Variants in IQANK1 observed in about 807,000 individuals in gnomAD.
IQANK1 encodes the protein IQ motif and ankyrin repeat containing 1.
In IQANK1, 30 loss-of-function variants were observed where a neutral mutation model predicts 22.6. The observed-to-expected ratio is 1.33, with a 90% CI of 0.99 to 1.80. The LOEUF (loss-of-function observed/expected upper bound fraction) is 1.80. Ranked by LOEUF, IQANK1 falls within the 40% of genes most tolerant of loss-of-function variation. The probability of loss-of-function intolerance (pLI) is 0.00; values close to 1 mark genes in which losing one functional copy is unlikely to be tolerated. For synonymous variants in IQANK1, 122 were observed against 99.6 expected (o/e 1.23, Z -1.34); for missense variants, 275 against 235.2 (o/e 1.17, Z -1.11).
At chr8:143,777,734 A>C (rs1430468223) in intron 7 of IQANK1, among the ~76,000 whole-genome samples, 1 of 152,136 alleles carries the variant, frequency 6.6e-6, no homozygotes, top group Non-Finnish European at 1.5e-5. Context: ...ATAAGCCAAC[A>C]AAAGAGATAA....
At chr8:143,755,686 A>T (rs1819277754) in intron 3 of IQANK1, among the ~76,000 whole-genome samples, 1 of 152,192 alleles carries the variant, frequency 6.6e-6, no homozygotes, top group Admixed American at 6.5e-5. Flanking sequence ...TTATAAACTC[A>T]TGGTGGCACG....
intron 3 of IQANK1, among the ~76,000 whole-genome samples, chr8:143,743,284 G>A (rs1285171571): frequency 4.6e-5 from 7 of 151,990 alleles, no homozygotes; most frequent in Non-Finnish European, 1.0e-4. Flanking sequence ...TGGAGTTCAG[G>A]GGCTATTCCC....
rs1264683319 is a variant in IQANK1 at position 143,788,949 on chromosome 8, G to C, written c.824G>C (p.Arg275Pro). ...ASLDTVVSVLRSWDLSLTEAM... is the reference protein window; with the variant it reads ...ASLDTVVSVLPSWDLSLTEAM... ...CTGGACACAGTGGTGAGCGTGCTGC[G>C]CTCGTGGGACCTGAGCCTCACGGAG... The change falls in exon 8 of 14, where the codon CGC (arginine) becomes CCC (proline). Residue 275 changes from arginine to proline, a missense_variant. By Grantham distance (103) the Arg-to-Pro change is moderately radical (BLOSUM62 -2). Coordinates refer to ENST00000527139, the MANE Select transcript of IQANK1 (RefSeq NM_001381874.1). 5.0e-6 allele frequency: 2 copies of C among 399,134 alleles called. No homozygotes were observed. The highest frequency in any genetic ancestry group is 8.8e-5 in the Admixed American group (2 of 22,722). 24.7% of individuals were successfully genotyped at this position (399,134 alleles called of 1,614,324 possible).
At chr8:143,775,238 C>A (rs989298203) in intron 7 of IQANK1, among the ~76,000 whole-genome samples, 4 of 151,704 alleles carry the variant, frequency 2.6e-5, no homozygotes, top group Non-Finnish European at 5.9e-5. Flanking sequence ...ATTGGGGGAG[C>A]TTGTTAAGGG....
chr8:143,740,819 C>A (rs567219950), intron 3 of IQANK1, among the ~76,000 whole-genome samples: 1 of 152,254 alleles, frequency 6.6e-6, no homozygotes, highest in Non-Finnish European at 1.5e-5. Context: ...GGAGCCTGAC[C>A]CTGTCCTGAG....
intron 7 of IQANK1, among the ~76,000 whole-genome samples, chr8:143,787,510 G>T (rs539099594): frequency 2.0e-5 from 3 of 152,046 alleles, no homozygotes; most frequent in African/African-American, 4.8e-5. Flanking sequence ...CCAAGGCCAC[G>T]CCGCGCCACT....
chr8:143,736,084 G>A, intron 2 of IQANK1, 146 bp downstream of exon 2: 1 of 610,534 alleles, frequency 1.6e-6, no homozygotes, highest in Non-Finnish European at 3.0e-6. Context: ...GGGATTAGGT[G>A]TGATTGACTG....
At chr8:143,744,411 T>G (rs62526396) in intron 3 of IQANK1, 9,047 of 152,292 alleles carry the variant, frequency 0.059, 549 homozygotes, top group African/African-American at 0.16. Flanking sequence ...ATGAACTGCT[T>G]CTGACCCTCC....
chr8:143,745,021 C>T (rs1167645937), intron 3 of IQANK1: 11 of 145,188 alleles, frequency 7.6e-5, no homozygotes. Context: ...CTGTACCCCT[C>T]TATGTTGGTG....
At chr8:143,751,660 G>GTATATATATATATATATATATATA (rs1440239363) in intron 3 of IQANK1, among the ~76,000 whole-genome samples, 40 of 43,990 alleles carry the variant, frequency 9.1e-4, no homozygotes, top group Non-Finnish European at 1.6e-3. Flanking sequence ...GTGTGTGTGT[G>GTATATATATATATATATATATATA]TGTGTATATA....
rs370428606 is a variant in IQANK1 at position 143,751,664 on chromosome 8, G to GTGTATATATATA, written c.175+11717_175+11718insGTATATATATAT. Among the ~76,000 whole-genome samples, 4 of 61,550 alleles carry GTGTATATATATA rather than the reference G, an allele frequency of 6.5e-5. 1 individual carries two copies. The highest frequency in any genetic ancestry group is 2.7e-4 in the Admixed American group (1 of 3,760). The allele number at this position is 61,550 out of a possible 152,430, so 40.4% of individuals were successfully genotyped here. On this transcript the variant is annotated intron_variant, in intron 3 of 13. Coordinates refer to ENST00000527139, the MANE Select transcript of IQANK1 (RefSeq NM_001381874.1). ...TGTGTGTGTGTGTGTGTGTGTGTGT[G>GTGTATATATATA]TATATATATATATAAAATCCTATAC...
At chr8:143,783,282 A>C (rs1819830543) in intron 7 of IQANK1, among the ~76,000 whole-genome samples, 1 of 152,178 alleles carries the variant, frequency 6.6e-6, no homozygotes, top group Non-Finnish European at 1.5e-5. Context: ...ATGCAGACTC[A>C]TGGTGGATGT....
intron 3 of IQANK1, among the ~76,000 whole-genome samples, chr8:143,754,500 G>T (rs1236087984): frequency 6.6e-6 from 1 of 152,152 alleles, no homozygotes; most frequent in Non-Finnish European, 1.5e-5. Context: ...GGGCTGAGGG[G>T]CCCCCATGTA....
chr8:143,782,486 C>CT (rs1336415445), intron 7 of IQANK1, among the ~76,000 whole-genome samples: 91 of 150,858 alleles, frequency 6.0e-4, no homozygotes, highest in Non-Finnish European at 1.1e-3. Flanking sequence ...TTTTCTTTTT[C>CT]TTTTTTTTTG....
intron 3 of IQANK1, chr8:143,743,215 G>T: frequency 2.8e-6 from 1 of 360,960 alleles, no homozygotes; most frequent in Non-Finnish European, 5.5e-6. Flanking sequence ...TTTGGTTTGG[G>T]TTTTTGTTTT....
intron 7 of IQANK1, among the ~76,000 whole-genome samples, chr8:143,783,265 T>G (rs1281659245): frequency 6.6e-6 from 1 of 152,172 alleles, no homozygotes; most frequent in African/African-American, 2.4e-5. Context: ...ATTGCCAGTG[T>G]TTTTTAATGC....
At chr8:143,752,207 C>G (rs1051364371) in intron 3 of IQANK1, among the ~76,000 whole-genome samples, 1 of 152,178 alleles carries the variant, frequency 6.6e-6, no homozygotes, top group Non-Finnish European at 1.5e-5. Context: ...CTCAGGTGAT[C>G]TGCCCACCTT....
intron 3 of IQANK1, among the ~76,000 whole-genome samples, chr8:143,753,458 CTTTT>C (rs1343991267): frequency 7.7e-6 from 1 of 130,400 alleles, no homozygotes. Context: ...GGGAAAGTTT[CTTTT>C]TTTTTTTTTT....
intron 3 of IQANK1, among the ~76,000 whole-genome samples, chr8:143,766,770 T>G (rs1554629263): frequency 6.6e-6 from 1 of 152,256 alleles, no homozygotes; most frequent in South Asian, 2.1e-4. Context: ...AACTCCAAGT[T>G]CCTGAAGCTG....
Sources: gnomAD v4.1 joint callset for allele counts (sites outside exome capture counted in the v4.1 genomes callset) on GRCh38, gnomAD v4.1.1 for gene constraint, MANE v1.5 for transcripts, NCBI Gene and HGNC (gene_info 2026-07-23, HGNC 2026-07-21) for gene names.